EIF4G3: variants seen among roughly 807,000 people sequenced by gnomAD.
EIF4G3 encodes eIF-4-gamma 3.
A neutral mutation model predicts 186.4 loss-of-function variants in EIF4G3; 34 were observed. The observed-to-expected ratio is 0.18, with a 90% CI of 0.14 to 0.24. The LOEUF (loss-of-function observed/expected upper bound fraction) is 0.24. Ranked by LOEUF, EIF4G3 falls within the 10% of genes least tolerant of loss-of-function variation. The pLI is 1.00. For synonymous variants in EIF4G3, 673 were observed against 679.5 expected, an observed-to-expected ratio of 0.99 and a Z score of 0.15; for missense variants, 1,536 against 1,948.5, an observed-to-expected ratio of 0.79 and a Z score of 3.99.
chr1:20,986,610 G>T (rs913472167), intron 7 of EIF4G3, among the ~76,000 whole-genome samples: 4 of 151,856 alleles, frequency 2.6e-5, no homozygotes, highest in African/African-American at 7.3e-5. Flanking sequence ...TTAGCTGGGC[G>T]TGGTGGCATG....
At chr1:20,868,801 T>C (rs919033925) in intron 20 of EIF4G3, among the ~76,000 whole-genome samples, 5 of 152,200 alleles carry the variant, frequency 3.3e-5, no homozygotes, top group African/African-American at 1.2e-4. Context: ...CTTGATAAGC[T>C]GAATTCACTA....
intron 2 of EIF4G3, among the ~76,000 whole-genome samples, chr1:21,102,215 C>T (rs144856965): frequency 5.3e-5 from 8 of 152,264 alleles, no homozygotes; most frequent in Admixed American, 2.0e-4. Context: ...CTTTGGGAGG[C>T]CAAGGTGGGT....
At chr1:20,954,313 G>A (rs2096328189) in intron 12 of EIF4G3, among the ~76,000 whole-genome samples, 1 of 151,984 alleles carries the variant, frequency 6.6e-6, no homozygotes, top group East Asian at 1.9e-4. Flanking sequence ...CAAGGCGGGT[G>A]GATCACGACG....
intron 12 of EIF4G3, among the ~76,000 whole-genome samples, chr1:20,959,732 A>G (rs1407934671): frequency 6.6e-6 from 1 of 151,556 alleles, no homozygotes; most frequent in East Asian, 1.9e-4. Flanking sequence ...ATGAATAGAC[A>G]TTTCTCAAAA....
At chr1:20,827,547 A>G in intron 32 of EIF4G3, 70 bp downstream of exon 32, 2 of 962,346 alleles carry the variant, frequency 2.1e-6, no homozygotes, top group East Asian at 2.5e-5. Context: ...CTATTCACAG[A>G]TAACCCAAGA....
intron 4 of EIF4G3, among the ~76,000 whole-genome samples, chr1:21,032,233 C>T (rs1310777207): frequency 6.6e-6 from 1 of 152,042 alleles, no homozygotes; most frequent in Non-Finnish European, 1.5e-5. Flanking sequence ...ATTTTTTATC[C>T]TCATAAAATC....
chr1:21,032,474 C>A (rs777126264), intron 4 of EIF4G3, among the ~76,000 whole-genome samples: 2 of 151,972 alleles, frequency 1.3e-5, no homozygotes, highest in Non-Finnish European at 2.9e-5. Flanking sequence ...GATAGTGCAT[C>A]CTCTCTTCAT....
chr1:21,114,070 A>G (rs1445319592), intron 2 of EIF4G3, among the ~76,000 whole-genome samples: 1 of 152,008 alleles, frequency 6.6e-6, no homozygotes, highest in East Asian at 1.9e-4. Flanking sequence ...AGAAAAGTCT[A>G]TTAAGTATTG....
intron 14 of EIF4G3, among the ~76,000 whole-genome samples, chr1:20,920,745 T>G (rs1040581056): frequency 6.6e-6 from 1 of 151,648 alleles, no homozygotes; most frequent in Non-Finnish European, 1.5e-5. Context: ...AGAGCTTGGG[T>G]TTTTTTTCCC....
intron 19 of EIF4G3, among the ~76,000 whole-genome samples, chr1:20,882,205 AC>A (rs879758185): frequency 0.34 from 51,677 of 151,154 alleles, 9,732 homozygotes; most frequent in Admixed American, 0.44. Flanking sequence ...ACACACACAC[AC>A]ACACACACAA....
At position 20,807,298 on chromosome 1, in the gene EIF4G3, T is replaced by G; in HGVS notation, c.*21A>C. On this transcript the variant is annotated 3_prime_UTR_variant, in exon 37 of 37. Coordinates refer to ENST00000602326, the MANE Select transcript of EIF4G3 (RefSeq NM_001391906.1). Reference sequence around the variant, plus strand: ...AAATACTTAAATTGTTTCTTTTGTTTCATTTTGTGTATTTGAAGTTTTAGT... The same window carrying G: ...AAATACTTAAATTGTTTCTTTTGTTGCATTTTGTGTATTTGAAGTTTTAGT... The G allele has an allele frequency of 6.5e-7, 1 of 1,547,408 alleles. No homozygotes were observed. Among genetic ancestry groups the G allele is most frequent in the Non-Finnish European group, 8.8e-7 (1 of 1,141,128 alleles).
intron 15 of EIF4G3, among the ~76,000 whole-genome samples, chr1:20,903,066 C>T (rs937307243): frequency 6.6e-6 from 1 of 152,260 alleles, no homozygotes; most frequent in Non-Finnish European, 1.5e-5. Flanking sequence ...CCAATTCTGG[C>T]TCACCGCCTG....
At chr1:20,903,160 A>T (rs777433639) in intron 15 of EIF4G3, among the ~76,000 whole-genome samples, 39 of 152,342 alleles carry the variant, frequency 2.6e-4, no homozygotes, top group Non-Finnish European at 3.7e-4. Context: ...TGGCATACAA[A>T]TTCACATTTC....
intron 2 of EIF4G3, among the ~76,000 whole-genome samples, chr1:21,149,378 T>C (rs2097514088): frequency 6.6e-6 from 1 of 152,128 alleles, no homozygotes; most frequent in East Asian, 1.9e-4. Context: ...TGATCACATA[T>C]GGCTTTTCTA....
chr1:21,095,407 T>A (rs2096339226), intron 2 of EIF4G3, among the ~76,000 whole-genome samples: 1 of 152,182 alleles, frequency 6.6e-6, no homozygotes, highest in African/African-American at 2.4e-5. Flanking sequence ...CTCAACCTTC[T>A]GGGCTCAAGT....
intron 14 of EIF4G3, among the ~76,000 whole-genome samples, chr1:20,936,565 T>C (rs971847800): frequency 3.3e-5 from 5 of 152,216 alleles, no homozygotes; most frequent in Non-Finnish European, 5.9e-5. Context: ...ATATTTCAAA[T>C]ATATTTTAGA....
chr1:20,926,190 T>A (rs1046953942), intron 14 of EIF4G3, among the ~76,000 whole-genome samples: 2 of 152,230 alleles, frequency 1.3e-5, no homozygotes, highest in African/African-American at 2.4e-5. Context: ...GACGTGGCTA[T>A]GAGTATAAAT....
intron 2 of EIF4G3, among the ~76,000 whole-genome samples, chr1:21,120,219 A>G (rs2096902573): frequency 6.6e-6 from 1 of 151,296 alleles, no homozygotes; most frequent in Non-Finnish European, 1.5e-5. Flanking sequence ...ACAATTTATC[A>G]ATCCAGTCCA....
At chr1:20,825,249 C>T in intron 32 of EIF4G3, 51 bp from the exon 33 acceptor site, 11 of 213,712 alleles carry the variant, frequency 5.1e-5, no homozygotes, top group Non-Finnish European at 7.4e-5. Context: ...GAAGAAGAAA[C>T]AGAAAAAAAA....
Sources: allele counts gnomAD v4.1 joint callset (sites outside exome capture counted in the v4.1 genomes callset), GRCh38; gene constraint gnomAD v4.1.1; transcripts MANE v1.5; gene names NCBI Gene and HGNC (gene_info 2026-07-23, HGNC 2026-07-21).